MET: variants seen among roughly 807,000 people sequenced by gnomAD.
MET encodes the protein hepatocyte growth factor receptor.
In MET, 48 loss-of-function variants were observed where a neutral mutation model predicts 133.1. That is an observed-to-expected ratio of 0.36 (90% CI 0.29 to 0.46). The LOEUF is 0.46. MET is among the 20% of genes least tolerant of loss of function. MET has a pLI of 1.00. For synonymous variants in MET, 628 were observed against 616.5 expected (o/e 1.02, Z -0.28); for missense variants, 1,442 against 1,695.9 (o/e 0.85, Z 2.63).
chr7:116,688,727 T>C (rs1584864721), intron 1 of MET, among the ~76,000 whole-genome samples: 1 of 152,242 alleles, frequency 6.6e-6, no homozygotes, highest in African/African-American at 2.4e-5. Context: ...CTATTCTTTT[T>C]ATCTTTACTC....
At chr7:116,736,172 T>C (rs1280037748) in intron 3 of MET, among the ~76,000 whole-genome samples, 1 of 152,200 alleles carries the variant, frequency 6.6e-6, no homozygotes, top group Non-Finnish European at 1.5e-5. Flanking sequence ...ATTTCAGTTA[T>C]GTCCATAACT....
At chr7:116,728,959 C>T (rs886371784) in intron 2 of MET, among the ~76,000 whole-genome samples, 1 of 152,132 alleles carries the variant, frequency 6.6e-6, no homozygotes, top group Non-Finnish European at 1.5e-5. Context: ...ACAAGACAAC[C>T]ACAAAAACCT....
At position 116,716,467 on chromosome 7, in the gene MET, G is replaced by GAGAAAGAAAGAA. The variant is rs531059164; in HGVS notation, c.1201-15140_1201-15129dup. ...AAGAAAGAAAAAGAAAAGAAAGAAA[G>GAGAAAGAAAGAA]AGAAAGAAAGAAAGAAAGAAAGAAA... is the stretch of plus-strand genomic sequence containing the variant. On this transcript the variant is annotated intron_variant, in intron 2 of 20. Coordinates refer to ENST00000397752, the MANE Select transcript of MET (RefSeq NM_000245.4). 2.9e-3 allele frequency among the ~76,000 whole-genome samples: 318 copies of GAGAAAGAAAGAA among 108,258 alleles called. 3 individuals are homozygous for GAGAAAGAAAGAA. The highest frequency in any genetic ancestry group is 0.013 in the Middle Eastern group (3 of 236). The allele number at this position is 108,258 out of a possible 152,430, so 71.0% of individuals were successfully genotyped here.
In MET at chr7:116,740,101, G is replaced by A. The variant is rs746281781; in HGVS notation, c.1527+17G>A. 7 of 1,613,908 alleles carry A rather than the reference G, an allele frequency of 4.3e-6. No individual in the cohort carries two copies. The highest frequency in any genetic ancestry group is 5.9e-6 in the Non-Finnish European group (7 of 1,179,844). ...GGGAAGAAGGTAAGCTGTTCCCACA[G>A]GGAATTTCCATAGACGTGGTTTTTC... On this transcript the variant is annotated intron_variant, in intron 4 of 20. Transcript: ENST00000397752.
intron 2 of MET, among the ~76,000 whole-genome samples, 162 bp from the exon 3 acceptor site, chr7:116,731,506 T>C (rs1162836630): frequency 6.6e-6 from 1 of 152,222 alleles, no homozygotes; most frequent in East Asian, 1.9e-4. Context: ...ATTGGAGCCA[T>C]TCAGTCCCTA....
chr7:116,678,397 G>A (rs181475273), intron 1 of MET, among the ~76,000 whole-genome samples: 94 of 151,806 alleles, frequency 6.2e-4, no homozygotes, highest in African/African-American at 2.1e-3. Context: ...TTCTGAGGCA[G>A]CACCTAGACT....
chr7:116,749,382 G>T (rs1225696530), intron 5 of MET, among the ~76,000 whole-genome samples: 2 of 152,166 alleles, frequency 1.3e-5, no homozygotes, highest in Non-Finnish European at 2.9e-5. Flanking sequence ...AATAGATGCA[G>T]AAAAGGCCTT....
At chr7:116,737,975 G>A (rs748013016) in intron 3 of MET, among the ~76,000 whole-genome samples, 5 of 152,118 alleles carry the variant, frequency 3.3e-5, no homozygotes, top group Admixed American at 1.3e-4. Flanking sequence ...TATGTAGCCG[G>A]TCTAAGTAGA....
chr7:116,700,404 G>T, intron 2 of MET, 120 bp downstream of exon 2: 2 of 1,153,482 alleles, frequency 1.7e-6, no homozygotes, highest in Non-Finnish European at 2.3e-6. Context: ...ATCCAAAATA[G>T]TTGCAGATTT....
chr7:116,695,299 G>T (rs1377823554), intron 1 of MET, among the ~76,000 whole-genome samples: 2 of 152,090 alleles, frequency 1.3e-5, no homozygotes, highest in Admixed American at 6.5e-5. Flanking sequence ...ACAACAAATT[G>T]TCCCTAATCC....
At chr7:116,787,762 A>T (rs1439670837) in intron 19 of MET, among the ~76,000 whole-genome samples, 1 of 152,180 alleles carries the variant, frequency 6.6e-6, no homozygotes, top group Non-Finnish European at 1.5e-5. Context: ...ATATTACTCA[A>T]TTTTTTTAAG....
intron 19 of MET, among the ~76,000 whole-genome samples, chr7:116,791,951 C>T (rs1795513533): frequency 6.6e-6 from 1 of 152,168 alleles, no homozygotes; most frequent in Non-Finnish European, 1.5e-5. Context: ...ACCGGTGACA[C>T]TTGGCCCACA....
intron 2 of MET, among the ~76,000 whole-genome samples, chr7:116,729,961 G>T (rs1459052591): frequency 6.6e-6 from 1 of 152,218 alleles, no homozygotes; most frequent in Non-Finnish European, 1.5e-5. Flanking sequence ...TAGGGTCCCT[G>T]ATCGCAGCGA....
chr7:116,795,846 T>G (rs765004631), intron 20 of MET, 41 bp from the exon 21 acceptor site: 28 of 1,614,088 alleles, frequency 1.7e-5, no homozygotes, highest in Non-Finnish European at 2.3e-5. Flanking sequence ...AATGCCTGCC[T>G]TCAAAGGGTC....
chr7:116,795,343 G>A (rs1376167889), intron 19 of MET, among the ~76,000 whole-genome samples: 11 of 152,166 alleles, frequency 7.2e-5, no homozygotes, highest in Non-Finnish European at 2.9e-5. Context: ...ATAGAAACAT[G>A]TTAGTGCTTT....
At chr7:116,759,898 C>T (rs1164465610) in intron 10 of MET, among the ~76,000 whole-genome samples, 3 of 152,136 alleles carry the variant, frequency 2.0e-5, no homozygotes, top group Non-Finnish European at 4.4e-5. Flanking sequence ...ACCTCAGCCT[C>T]CCAAGTAGCT....
intron 12 of MET, among the ~76,000 whole-genome samples, chr7:116,770,408 G>T (rs921022512): frequency 2.6e-5 from 4 of 152,018 alleles, no homozygotes; most frequent in Non-Finnish European, 5.9e-5. Flanking sequence ...TCTTTGAATT[G>T]AGGTAAAATA....
At chr7:116,795,598 T>G (rs1795643338) in intron 19 of MET, 57 bp from the exon 20 acceptor site, 2 of 1,610,932 alleles carry the variant, frequency 1.2e-6, no homozygotes, top group African/African-American at 2.7e-5. Flanking sequence ...CTGATTTCCT[T>G]TCATATATGT....
At chr7:116,767,223 G>A (rs553075022) in intron 11 of MET, among the ~76,000 whole-genome samples, 12 of 152,158 alleles carry the variant, frequency 7.9e-5, no homozygotes, top group South Asian at 2.1e-4. Context: ...CCATCTGCTC[G>A]GTTCTGTAAC....
Sources: allele counts gnomAD v4.1 joint callset (sites outside exome capture counted in the v4.1 genomes callset), GRCh38; gene constraint gnomAD v4.1.1; transcripts MANE v1.5; gene names NCBI Gene and HGNC (gene_info 2026-07-23, HGNC 2026-07-21).